Variants in MEGF11 observed in about 807,000 individuals in gnomAD.
MEGF11 encodes multiple epidermal growth factor-like domains protein 11.
Under a neutral mutation model 146.6 loss-of-function variants are expected in MEGF11, and 126 were observed. The ratio of observed to expected loss-of-function variants is 0.86; its 90% CI spans 0.74 to 1.00. MEGF11 has a LOEUF of 1.00. MEGF11 is among the 50% of genes least tolerant of loss of function. MEGF11 has a pLI of 0.00. For synonymous variants in MEGF11, 532 were observed against 583.4 expected (o/e 0.91, Z 1.27); for missense variants, 1,509 against 1,521.2 (o/e 0.99, Z 0.13).
intron 1 of MEGF11, among the ~76,000 whole-genome samples, chr15:66,135,911 G>T (rs945400029): frequency 5.9e-5 from 9 of 152,298 alleles, no homozygotes; most frequent in Non-Finnish European, 7.4e-5. Flanking sequence ...CTGGTGCACA[G>T]GGCTGGAGTC....
chr15:65,978,122 C>T (rs1182040198), intron 7 of MEGF11, among the ~76,000 whole-genome samples: 1 of 152,230 alleles, frequency 6.6e-6, no homozygotes, highest in Non-Finnish European at 1.5e-5. Context: ...ACACAATGGC[C>T]TGGGTCTTTG....
At chr15:66,067,205 G>T (rs1597048189) in intron 5 of MEGF11, among the ~76,000 whole-genome samples, 1 of 152,190 alleles carries the variant, frequency 6.6e-6, no homozygotes, top group Admixed American at 6.5e-5. Context: ...CTTTGCCCAG[G>T]TCTAATGTTT....
intron 1 of MEGF11, among the ~76,000 whole-genome samples, chr15:66,147,368 A>C (rs2141024121): frequency 6.6e-6 from 1 of 152,328 alleles, no homozygotes; most frequent in Admixed American, 6.5e-5. Context: ...AGTACCTACT[A>C]AGTGCCAGGC....
At chr15:66,041,941 A>C (rs2083997128) in intron 5 of MEGF11, among the ~76,000 whole-genome samples, 1 of 152,072 alleles carries the variant, frequency 6.6e-6, no homozygotes, top group South Asian at 2.1e-4. Flanking sequence ...TTAAAAACCA[A>C]ATCATCCTGC....
chr15:66,111,014 G>C (rs551709239), intron 4 of MEGF11, among the ~76,000 whole-genome samples: 30 of 152,154 alleles, frequency 2.0e-4, no homozygotes, highest in South Asian at 1.9e-3. Flanking sequence ...CTCCTACTCA[G>C]AGAAAACCCA....
intron 5 of MEGF11, among the ~76,000 whole-genome samples, chr15:66,041,796 C>T (rs1019013156): frequency 1.3e-5 from 2 of 152,138 alleles, no homozygotes; most frequent in African/African-American, 4.8e-5. Context: ...GTTTAGGGCT[C>T]ATAATATCAT....
intron 1 of MEGF11, among the ~76,000 whole-genome samples, chr15:66,211,598 CCGTTCCCTCCCCAG>C (rs2091455218): frequency 6.6e-6 from 1 of 151,826 alleles, no homozygotes; most frequent in Admixed American, 6.6e-5. Flanking sequence ...CAGCCAGTCA[CCGTTCCCTCCCCAG>C]GAGGGGTGCT....
At chr15:66,218,256 A>G (rs1323433337) in intron 1 of MEGF11, among the ~76,000 whole-genome samples, 1 of 152,170 alleles carries the variant, frequency 6.6e-6, no homozygotes, top group Non-Finnish European at 1.5e-5. Context: ...AAGCTAACTG[A>G]TGAGTTGCCA....
intron 3 of MEGF11, among the ~76,000 whole-genome samples, chr15:66,122,125 T>C (rs959977265): frequency 2.0e-5 from 3 of 151,758 alleles, no homozygotes; most frequent in Non-Finnish European, 4.4e-5. Flanking sequence ...TAGAAGGGTG[T>C]GGTGGTGGGT....
intron 7 of MEGF11, 102 bp from the exon 8 acceptor site, chr15:65,970,791 CAGA>C (rs1370741307): frequency 2.8e-5 from 39 of 1,371,266 alleles, no homozygotes; most frequent in South Asian, 4.2e-5. Flanking sequence ...CCCAACTTCC[CAGA>C]AGAAGTTCAG....
intron 1 of MEGF11, among the ~76,000 whole-genome samples, chr15:66,251,401 C>T (rs921185234): frequency 1.3e-5 from 2 of 152,200 alleles, no homozygotes; most frequent in Non-Finnish European, 2.9e-5. Context: ...GACTACAAAA[C>T]AATGGCTCCT....
Position 66,026,117 on chromosome 15 carries a change from C to G in MEGF11, c.395-43629G>C, listed in dbSNP as rs867698221. On this transcript the variant is annotated intron_variant, in intron 5 of 25. Transcript: ENST00000395614. The stretch of plus-strand genomic sequence containing the variant: ...GATGGAGCCCTGACAGGGGATTTCC[C>G]CCACTCCCCAAAGCTCCCCAGGTGA... Among the ~76,000 whole-genome samples, 9 of 152,352 alleles carry G rather than the reference C, an allele frequency of 5.9e-5. No individual in the cohort carries two copies. The Middle Eastern group carries it at 0.01, about 173-fold the overall frequency.
At chr15:65,918,321 A>T (rs1316906914) in intron 15 of MEGF11, among the ~76,000 whole-genome samples, 1 of 152,166 alleles carries the variant, frequency 6.6e-6, no homozygotes, top group Non-Finnish European at 1.5e-5. Flanking sequence ...AGGCTCTATT[A>T]TGATTGCCTT....
rs551179896 is a variant in MEGF11, at chr15:66,035,224, TGTTTTATTAGTAGTA to T, written c.395-52751_395-52737del. Among the ~76,000 whole-genome samples, 777 of 152,296 alleles carry T rather than the reference TGTTTTATTAGTAGTA, an allele frequency of 5.1e-3. 6 individuals are homozygous for T. Among genetic ancestry groups the T allele is most frequent in the Admixed American group, 9.4e-3 (144 of 15,302 alleles). ...ACTTCATAAGTAGTATTACAGTAGT[TGTTTTATTAGTAGTA>T]TATTATTTCTTCTAATATTACTGCT... On this transcript the variant is annotated intron_variant, in intron 5 of 25. Transcript: ENST00000395614.
Position 66,166,614 on chromosome 15 carries a change from C to A in MEGF11, c.-8-38203G>T, listed in dbSNP as rs571886350. Among the ~76,000 whole-genome samples, 3 of 152,238 alleles carry A rather than the reference C, an allele frequency of 2.0e-5. No individual in the cohort carries two copies. The East Asian group carries it at 5.8e-4, about 30-fold the overall frequency. On this transcript the variant is annotated intron_variant, in intron 1 of 25. Coordinates refer to ENST00000395614, the MANE Select transcript of MEGF11 (RefSeq NM_001385028.1). ...CCTCCCTGGCTGCATCTCCTTGTTCCCTTTGCTCCAGCCTGATGGTCCTCC... is the reference window on the plus strand; with the variant it reads ...CCTCCCTGGCTGCATCTCCTTGTTCACTTTGCTCCAGCCTGATGGTCCTCC...
intron 20 of MEGF11, 90 bp downstream of exon 20, chr15:65,913,647 G>T: frequency 2.6e-6 from 3 of 1,168,004 alleles, no homozygotes; most frequent in Middle Eastern, 3.9e-4. Flanking sequence ...TCCACATTCA[G>T]CCACAGCAGC....
chr15:65,911,828 G>A (rs1443171788), intron 21 of MEGF11, among the ~76,000 whole-genome samples: 1 of 152,158 alleles, frequency 6.6e-6, no homozygotes, highest in Non-Finnish European at 1.5e-5. Context: ...TTACACACAG[G>A]GTACAGGGGT....
intron 1 of MEGF11, among the ~76,000 whole-genome samples, chr15:66,229,182 T>C (rs1348250804): frequency 1.3e-5 from 2 of 151,952 alleles, no homozygotes; most frequent in African/African-American, 4.8e-5. Flanking sequence ...GACAAACCCA[T>C]CATGACCAGA....
chr15:65,922,787 C>T (rs1344604586), intron 14 of MEGF11, 36 bp downstream of exon 14: 4 of 1,610,506 alleles, frequency 2.5e-6, no homozygotes, highest in Non-Finnish European at 3.4e-6. Flanking sequence ...GAGGATTAGC[C>T]CTCTGAGCTC....
Sources: gnomAD v4.1 joint callset for allele counts (sites outside exome capture counted in the v4.1 genomes callset) on GRCh38, gnomAD v4.1.1 for gene constraint, MANE v1.5 for transcripts, NCBI Gene and HGNC (gene_info 2026-07-23, HGNC 2026-07-21) for gene names.